The following FGF13 variants were observed in gnomAD, a reference collection of about 807,000 sequenced individuals.
The protein encoded by FGF13 is fibroblast growth factor homologous factor 2.
FGF13 carries 2 observed loss-of-function variants against 19.5 expected under a neutral mutation model. The ratio of observed to expected loss-of-function variants is 0.10; its 90% CI spans 0.04 to 0.32. FGF13 has a LOEUF of 0.32. Among genes scored for constraint, FGF13 ranks in the 10% least tolerant of loss-of-function variants. The probability of loss-of-function intolerance (pLI) is 1.00; values close to 1 mark genes in which losing one functional copy is unlikely to be tolerated. For synonymous variants in FGF13, 72 were observed against 76.9 expected, an observed-to-expected ratio of 0.94 and a Z score of 0.33; for missense variants, 113 against 192.7, an observed-to-expected ratio of 0.59 and a Z score of 2.45.
At position 138,629,168 on chromosome X, in the gene FGF13, C is replaced by G. The variant is rs866548816; in HGVS notation, c.*3682G>C. The G allele has an allele frequency of 4.0e-4, 45 of 111,673 alleles. No homozygotes were observed. The Middle Eastern group carries it at 0.014, about 34-fold the overall frequency. 9.2% of individuals were successfully genotyped at this position (111,673 alleles called of 1,213,427 possible). On this transcript the variant is annotated 3_prime_UTR_variant, in exon 5 of 5. Transcript: ENST00000315930. ...AGCATATAAAACACCACAGGTGATT[C>G]AGGTACACATAAAAAGCTTGAGGAC... is the stretch of plus-strand genomic sequence containing the variant.
intron 1 of FGF13, among the ~76,000 whole-genome samples, chrX:138,906,556 A>G (rs1250116035): frequency 1.8e-5 from 2 of 111,756 alleles, no homozygotes; most frequent in African/African-American, 6.5e-5. Flanking sequence ...ATAAAAAGCA[A>G]TGTCAGGTAG....
chrX:139,073,524 T>C (rs2092383515), intron 1 of FGF13, among the ~76,000 whole-genome samples: 1 of 111,566 alleles, frequency 9.0e-6, no homozygotes, highest in Non-Finnish European at 1.9e-5. Context: ...AAGGTAATTA[T>C]ATCTCTCTTT....
rs189608224 is a variant in FGF13 at position 138,884,812 on chromosome X, T to A, written c.-112-20162A>T. On this transcript the variant is annotated intron_variant, in intron 1 of 2. Coordinates refer to the FGF13 transcript ENST00000421460. ...CTAAAAGGAGGCATCTAATGGGACCTTCCTGTGGATTCACTTATCAATGTA... is the reference window on the plus strand; with the variant it reads ...CTAAAAGGAGGCATCTAATGGGACCATCCTGTGGATTCACTTATCAATGTA... 8.4e-3 allele frequency among the ~76,000 whole-genome samples: 938 copies of A among 111,835 alleles called. 7 individuals are homozygous for A. The highest frequency in any genetic ancestry group is 0.029 in the African/African-American group (880 of 30,719).
intron 1 of FGF13, among the ~76,000 whole-genome samples, chrX:138,940,423 T>C (rs890819354): frequency 1.8e-5 from 2 of 112,224 alleles, no homozygotes; most frequent in African/African-American, 6.5e-5. Context: ...GTGCAGAAGC[T>C]CTTTAGTTTA....
At chrX:139,199,169 T>C (rs1243443773) in intron 1 of FGF13, among the ~76,000 whole-genome samples, 1 of 112,502 alleles carries the variant, frequency 8.9e-6, no homozygotes, top group East Asian at 2.8e-4. Flanking sequence ...AAATGAGTTA[T>C]GCAGACATTT....
chrX:138,900,351 C>T (rs2091525960), intron 1 of FGF13, among the ~76,000 whole-genome samples: 1 of 111,060 alleles, frequency 9.0e-6, no homozygotes, highest in Admixed American at 9.6e-5. Flanking sequence ...TATACTCATC[C>T]TTCCACCTCT....
chrX:139,116,695 A>G (rs746042987), intron 1 of FGF13, among the ~76,000 whole-genome samples: 14 of 111,221 alleles, frequency 1.3e-4, no homozygotes, highest in South Asian at 3.8e-4. Flanking sequence ...CGGGGGGAAA[A>G]AAATCCATTT....
chrX:138,804,024 G>A (rs2090848468), intron 3 of FGF13, among the ~76,000 whole-genome samples: 1 of 112,125 alleles, frequency 8.9e-6, no homozygotes. Flanking sequence ...TCACTTTGGT[G>A]CAGTCTGTGC....
intron 1 of FGF13, among the ~76,000 whole-genome samples, chrX:139,171,303 C>CT (rs986821000): frequency 2.0e-4 from 22 of 111,834 alleles, no homozygotes; most frequent in Admixed American, 9.5e-4. Flanking sequence ...ACAAATTCTA[C>CT]TTTTTTTTCC....
At chrX:138,778,763 C>T (rs1273986469) in intron 3 of FGF13, among the ~76,000 whole-genome samples, 1 of 112,566 alleles carries the variant, frequency 8.9e-6, no homozygotes, top group Non-Finnish European at 1.9e-5. Flanking sequence ...ATTGCCCAGG[C>T]TTGATTAGGT....
In FGF13 at chrX:138,811,531, G is replaced by A. The variant is rs139899576; in HGVS notation, c.217+45981C>T. On this transcript the variant is annotated intron_variant, in intron 3 of 6. Coordinates refer to the FGF13 transcript ENST00000436198. ...AATGGGTGCAGCACACCAACATGGC[G>A]CACGTATCCATATGTAACAAACCTG... Among the ~76,000 whole-genome samples the A allele has an allele frequency of 3.6e-4, 40 of 110,220 alleles. No homozygotes were observed. The East Asian group carries it at 5.7e-3, about 16-fold the overall frequency.
intron 1 of FGF13, among the ~76,000 whole-genome samples, chrX:138,929,235 CTGTGTGTG>C (rs10622697): frequency 7.2e-5 from 7 of 97,789 alleles, no homozygotes; most frequent in Non-Finnish European, 1.0e-4. Flanking sequence ...GAGGAAAACT[CTGTGTGTG>C]TGTGTGTGTG....
chrX:139,053,933 A>G (rs1256965201), intron 1 of FGF13, among the ~76,000 whole-genome samples: 2 of 110,414 alleles, frequency 1.8e-5, no homozygotes, highest in Non-Finnish European at 1.9e-5. Context: ...ATTTTTGTAT[A>G]AGGTGAGAGA....
chrX:138,722,386 T>A lies in FGF13; in HGVS notation c.29-13458A>T, dbSNP rs935224727. Among the ~76,000 whole-genome samples, 9 of 111,881 alleles carry A rather than the reference T, an allele frequency of 8.0e-5. No individual in the cohort carries two copies. In the South Asian group the frequency reaches 1.5e-3, roughly 19 times the overall value. ...ATCCAAACTTGAATTACGGCAATTA[T>A]CCTGCTTGGATTAGAAGCCTAATCA... On this transcript the variant is annotated intron_variant, in intron 1 of 4. Transcript: ENST00000305414.
At chrX:138,914,641 T>C (rs1292394276) in intron 1 of FGF13, among the ~76,000 whole-genome samples, 2 of 108,188 alleles carry the variant, frequency 1.8e-5, no homozygotes, top group Non-Finnish European at 3.8e-5. Flanking sequence ...TTGGACTTTT[T>C]TTTTTTTTTT....
At chrX:139,187,459 T>C (rs1603234410) in intron 1 of FGF13, among the ~76,000 whole-genome samples, 1 of 112,507 alleles carries the variant, frequency 8.9e-6, no homozygotes, top group East Asian at 2.8e-4. Context: ...TGCTAAATAA[T>C]GCATATTCTG....
intron 1 of FGF13, among the ~76,000 whole-genome samples, chrX:138,965,495 C>T (rs754783053): frequency 5.1e-4 from 57 of 111,307 alleles, no homozygotes; most frequent in African/African-American, 1.8e-3. Flanking sequence ...TCCAGGTGCC[C>T]GTCTATATTC....
intron 1 of FGF13, among the ~76,000 whole-genome samples, chrX:138,738,250 G>A (rs1038414501): frequency 8.9e-6 from 1 of 111,844 alleles, no homozygotes; most frequent in African/African-American, 3.2e-5. Flanking sequence ...AAATCACCAT[G>A]AATAATTACT....
chrX:139,139,878 T>G (rs985799657), intron 1 of FGF13, among the ~76,000 whole-genome samples: 15 of 111,706 alleles, frequency 1.3e-4, no homozygotes, highest in African/African-American at 4.6e-4. Flanking sequence ...CTATTGACAA[T>G]TACTATTTGA....
Sources: allele counts gnomAD v4.1 joint callset (sites outside exome capture counted in the v4.1 genomes callset), GRCh38; gene constraint gnomAD v4.1.1; transcripts MANE v1.5; gene names NCBI Gene and HGNC (gene_info 2026-07-23, HGNC 2026-07-21).